RPS6KA5: variants seen among roughly 807,000 people sequenced by gnomAD.
The protein encoded by RPS6KA5 is ribosomal protein S6 kinase alpha-5.
RPS6KA5 carries 27 observed loss-of-function variants against 85.5 expected under a neutral mutation model. The ratio of observed to expected loss-of-function variants is 0.32; its 90% CI spans 0.23 to 0.44. The LOEUF (loss-of-function observed/expected upper bound fraction) is 0.44, where lower values mean the gene tolerates loss of function less well. Ranked by LOEUF, RPS6KA5 falls within the 20% of genes least tolerant of loss-of-function variation. RPS6KA5 has a pLI of 1.00. For missense variants in RPS6KA5, 811 were observed against 980.9 expected (o/e 0.83, Z 2.31); for synonymous variants, 334 against 348.2 (o/e 0.96, Z 0.46).
intron 1 of RPS6KA5, among the ~76,000 whole-genome samples, chr14:91,022,551 G>T (rs1363686997): frequency 1.3e-5 from 2 of 152,130 alleles, no homozygotes; most frequent in African/African-American, 4.8e-5. Flanking sequence ...AAGAATTCAG[G>T]TCCTACCTCA....
At chr14:90,922,546 T>G (rs756034584) in intron 6 of RPS6KA5, among the ~76,000 whole-genome samples, 1 of 152,178 alleles carries the variant, frequency 6.6e-6, no homozygotes, top group Non-Finnish European at 1.5e-5. Context: ...CCTCCCGGGT[T>G]CAAACATTCT....
At chr14:91,014,866 T>C (rs941264462) in intron 1 of RPS6KA5, among the ~76,000 whole-genome samples, 6 of 152,218 alleles carry the variant, frequency 3.9e-5, no homozygotes, top group African/African-American at 1.4e-4. Context: ...TTATAGTTTA[T>C]ATTTGATGAC....
chr14:90,964,926 AAAAAAAAAACC>A (rs2038983259), intron 3 of RPS6KA5, among the ~76,000 whole-genome samples: 2 of 149,640 alleles, frequency 1.3e-5, no homozygotes, highest in Non-Finnish European at 3.0e-5. Flanking sequence ...AAAAAAAAAA[AAAAAAAAAACC>A]AAAAAACCAA....
chr14:90,978,805 C>G (rs2039674026), intron 2 of RPS6KA5, among the ~76,000 whole-genome samples: 1 of 152,062 alleles, frequency 6.6e-6, no homozygotes, highest in South Asian at 2.1e-4. Context: ...CTGTAGAAAA[C>G]TAGCTGTTAT....
chr14:91,060,573 T>C lies in RPS6KA5; in HGVS notation c.-139A>G. Reference sequence around the variant, plus strand: ...CAGAACTCGGACGCAAAGACGAGTCTCTTTCCCGCTCTGGCCGCACGGCTC... The same window carrying C: ...CAGAACTCGGACGCAAAGACGAGTCCCTTTCCCGCTCTGGCCGCACGGCTC... On this transcript the variant is annotated 5_prime_UTR_variant, in exon 1 of 17. Transcript: ENST00000614987. 9.1e-7 allele frequency: 1 copy of C among 1,096,122 alleles called. No homozygotes were observed. Among genetic ancestry groups the C allele is most frequent in the Non-Finnish European group, 1.2e-6 (1 of 861,294 alleles). The allele number at this position is 1,096,122 out of a possible 1,614,324, so 67.9% of individuals were successfully genotyped here.
chr14:90,980,919 C>G (rs2039761904), intron 2 of RPS6KA5, among the ~76,000 whole-genome samples: 1 of 152,176 alleles, frequency 6.6e-6, no homozygotes, highest in South Asian at 2.1e-4. Flanking sequence ...GGCCTGTAAT[C>G]CCAGCACTTT....
At chr14:90,937,273 C>A (rs139672497) in intron 5 of RPS6KA5, among the ~76,000 whole-genome samples, 1 of 151,632 alleles carries the variant, frequency 6.6e-6, no homozygotes, top group Non-Finnish European at 1.5e-5. Flanking sequence ...CAGATGGTGG[C>A]GGGGTAGGGG....
At chr14:90,998,450 T>A (rs1412731834) in intron 2 of RPS6KA5, among the ~76,000 whole-genome samples, 1 of 152,182 alleles carries the variant, frequency 6.6e-6, no homozygotes, top group African/African-American at 2.4e-5. Context: ...ACAGCTATTA[T>A]AAAAACAATC....
At chr14:90,916,853 A>G (rs941603743) in intron 7 of RPS6KA5, among the ~76,000 whole-genome samples, 1 of 152,248 alleles carries the variant, frequency 6.6e-6, no homozygotes, top group Non-Finnish European at 1.5e-5. Flanking sequence ...TTCTAAAACC[A>G]GAATGCCAAT....
chr14:90,906,846 T>C (rs1595179055), intron 7 of RPS6KA5, among the ~76,000 whole-genome samples: 1 of 151,768 alleles, frequency 6.6e-6, no homozygotes, highest in East Asian at 2.0e-4. Flanking sequence ...CAACCCTTGA[T>C]ATCTAGAAAT....
In RPS6KA5 at chr14:90,851,935, C is replaced by T. The variant is rs1187507295; in HGVS notation, c.*20139G>A. The T allele has an allele frequency of 1.3e-5, 2 of 151,902 alleles. No individual in the cohort carries two copies. The highest frequency in any genetic ancestry group is 1.9e-4 in the East Asian group (1 of 5,190). 9.4% of individuals were successfully genotyped at this position (151,902 alleles called of 1,614,324 possible). A position where few individuals can be genotyped will look rare whatever the true frequency, so the allele number is the denominator to read the frequency against. ...CACAGCCTTCCCAATCATCTCACAG[C>T]GTTTATTTGAACAAAAAAGACAGAA... On this transcript the variant is annotated 3_prime_UTR_variant, in exon 17 of 17. Coordinates refer to ENST00000614987, the MANE Select transcript of RPS6KA5 (RefSeq NM_004755.4).
At chr14:91,055,665 G>C (rs1373189686) in intron 1 of RPS6KA5, among the ~76,000 whole-genome samples, 1 of 152,146 alleles carries the variant, frequency 6.6e-6, no homozygotes, top group East Asian at 1.9e-4. Flanking sequence ...TAGTCCCAGA[G>C]TTACTCAGGA....
chr14:90,997,978 AACCTGGGTGGCACAGCGAG>A (rs895982381), intron 2 of RPS6KA5, among the ~76,000 whole-genome samples: 8 of 149,412 alleles, frequency 5.4e-5, no homozygotes, highest in African/African-American at 2.0e-4. Flanking sequence ...ACTGCACTCC[AACCTGGGTGGCACAGCGAG>A]ACTCTGTCTG....
chr14:91,049,091 A>T (rs897946443), intron 1 of RPS6KA5, among the ~76,000 whole-genome samples: 1 of 152,206 alleles, frequency 6.6e-6, no homozygotes, highest in Non-Finnish European at 1.5e-5. Flanking sequence ...CCCCCTTGAC[A>T]GAAGGGATAA....
intron 1 of RPS6KA5, among the ~76,000 whole-genome samples, chr14:91,046,153 T>C (rs1418255153): frequency 1.3e-5 from 2 of 152,198 alleles, no homozygotes; most frequent in African/African-American, 2.4e-5. Flanking sequence ...TTAGTGATTA[T>C]GTATTTAAGG....
intron 7 of RPS6KA5, among the ~76,000 whole-genome samples, chr14:90,917,853 CAT>C (rs1227307915): frequency 6.6e-6 from 1 of 152,178 alleles, no homozygotes; most frequent in East Asian, 1.9e-4. Context: ...CACTACTGCA[CAT>C]GTCTTAGATA....
intron 13 of RPS6KA5, among the ~76,000 whole-genome samples, chr14:90,892,547 T>C (rs895297531): frequency 2.0e-5 from 3 of 152,102 alleles, no homozygotes; most frequent in Non-Finnish European, 2.9e-5. Flanking sequence ...CTGAAACAAA[T>C]TGGATGTATG....
intron 1 of RPS6KA5, among the ~76,000 whole-genome samples, chr14:91,045,500 G>A (rs546284594): frequency 8.5e-4 from 130 of 152,324 alleles, no homozygotes; most frequent in African/African-American, 3.1e-3. Context: ...CTGACCTCAG[G>A]TGATCTGCCT....
intron 7 of RPS6KA5, among the ~76,000 whole-genome samples, chr14:90,914,064 T>G (rs1376963350): frequency 6.6e-6 from 1 of 152,186 alleles, no homozygotes; most frequent in Non-Finnish European, 1.5e-5. Flanking sequence ...AACTACCTTC[T>G]TCCTTTCACG....
Sources: allele counts gnomAD v4.1 joint callset (sites outside exome capture counted in the v4.1 genomes callset), GRCh38; gene constraint gnomAD v4.1.1; transcripts MANE v1.5; gene names NCBI Gene and HGNC (gene_info 2026-07-23, HGNC 2026-07-21).